ZNF85: variants seen among roughly 807,000 people sequenced by gnomAD.
The protein encoded by ZNF85 is zinc finger protein 85, also known as zinc finger protein 85 (HPF4, HTF1).
Under a neutral mutation model 53.9 loss-of-function variants are expected in ZNF85, and 50 were observed. That is an observed-to-expected ratio of 0.93 (90% CI 0.74 to 1.17). ZNF85 has a LOEUF of 1.17. Among genes scored for constraint, ZNF85 ranks in the 50% most tolerant of loss-of-function variants. ZNF85 has a pLI of 0.00. For missense variants in ZNF85, 747 were observed against 688.5 expected (o/e 1.08, Z -0.95); for synonymous variants, 225 against 226.1 (o/e 1.00, Z 0.04).
At chr19:20,934,234 G>C in intron 2 of ZNF85, 84 bp downstream of exon 2, 1 of 1,528,206 alleles carries the variant, frequency 6.5e-7, no homozygotes, top group Non-Finnish European at 8.8e-7. Flanking sequence ...CTGGTAAAGT[G>C]TGCTTTGCAT....
At chr19:20,944,834 C>T (rs983799510) in intron 3 of ZNF85, among the ~76,000 whole-genome samples, 3 of 151,980 alleles carry the variant, frequency 2.0e-5, no homozygotes, top group Non-Finnish European at 4.4e-5. Flanking sequence ...TTTAACTCTG[C>T]AATTTATGAC....
Position 20,949,839 on chromosome 19 carries a change from C to A in ZNF85, c.1325C>A (p.Thr442Asn), listed in dbSNP as rs145600588. The A allele has an allele frequency of 3.6e-5, 58 of 1,612,310 alleles. No homozygotes were observed. In the African/African-American group the frequency reaches 6.4e-4, roughly 18 times the overall value. ...EKAFNQSSKL[T>N]EHKKIHTGEK... ...GCTTTTAACCAATCCTCAAAACTTA[C>A]TGAACATAAGAAAATTCATACTGGA... The change falls in exon 4 of 4, where the codon ACT becomes AAT. Residue 442 changes from threonine to asparagine, a missense_variant. By Grantham distance (65) the Thr-to-Asn change is moderately conservative. Coordinates refer to ENST00000328178, the MANE Select transcript of ZNF85 (RefSeq NM_003429.5).
chr19:20,944,489 T>TA (rs1484269723), intron 3 of ZNF85, among the ~76,000 whole-genome samples: 1 of 147,694 alleles, frequency 6.8e-6, no homozygotes, highest in Non-Finnish European at 1.5e-5. Context: ...TTATTATATA[T>TA]TTTTATATAC....
chr19:20,923,486 T>G (rs1972805855), intron 1 of ZNF85, 83 bp downstream of exon 1: 2 of 1,602,980 alleles, frequency 1.2e-6, no homozygotes, highest in Admixed American at 1.7e-5. Flanking sequence ...GACTCAGGCC[T>G]CCCTGTAGTC....
chr19:20,946,846 T>A (rs1973434425), intron 3 of ZNF85, among the ~76,000 whole-genome samples: 2 of 152,142 alleles, frequency 1.3e-5, no homozygotes, highest in Admixed American at 6.5e-5. Flanking sequence ...AACTGACTCT[T>A]GTAGAAAGGC....
chr19:20,949,925 A>G lies in ZNF85; in HGVS notation c.1411A>G (p.Arg471Gly). Reference sequence around the variant, plus strand: ...TTTTAACCAGTCCTCAAATCTTACTAGACATAAGAAAAGTCATACAGAAGA... The same window carrying G: ...TTTTAACCAGTCCTCAAATCTTACTGGACATAAGAAAAGTCATACAGAAGA... The part of the protein sequence containing the change: ...KAFNQSSNLT[R>G]HKKSHTEEKP... The change falls in exon 4 of 4, where the codon AGA becomes GGA. Residue 471 changes from arginine (R) to glycine (G), a missense_variant. By Grantham distance (125) the Arg-to-Gly change is moderately radical. Transcript: ENST00000328178. 1.2e-6 allele frequency: 2 copies of G among 1,612,324 alleles called. No homozygotes were observed. The highest frequency in any genetic ancestry group is 1.1e-5 in the South Asian group (1 of 90,882).
intron 1 of ZNF85, among the ~76,000 whole-genome samples, chr19:20,929,363 A>G (rs1416913235): frequency 1.3e-5 from 2 of 151,794 alleles, no homozygotes; most frequent in African/African-American, 4.8e-5. Context: ...TAATTTTTGT[A>G]TTTTTAGTAG....
intron 1 of ZNF85, 151 bp downstream of exon 1, chr19:20,923,554 C>T: frequency 7.5e-7 from 1 of 1,331,158 alleles, no homozygotes; most frequent in Non-Finnish European, 1.0e-6. Flanking sequence ...TTCCTCCAGC[C>T]ATAAGATGGC....
chr19:20,941,272 T>TC (rs1252970527), intron 3 of ZNF85, among the ~76,000 whole-genome samples: 4 of 151,804 alleles, frequency 2.6e-5, no homozygotes, highest in Non-Finnish European at 5.9e-5. Flanking sequence ...CTTTCTTCCC[T>TC]CCCCCCACTC....
intron 1 of ZNF85, among the ~76,000 whole-genome samples, chr19:20,929,985 T>C (rs111429834): frequency 0.012 from 1,820 of 151,954 alleles, 34 homozygotes; most frequent in African/African-American, 0.035. Flanking sequence ...CCCTGGTATG[T>C]TGGCATGCAC....
In ZNF85 at chr19:20,944,393, G is replaced by T. The variant is rs201395739; in HGVS notation, c.230-4351G>T. 11 of 150,972 alleles carry T rather than the reference G, an allele frequency of 7.3e-5. No homozygotes were observed. The East Asian group carries it at 1.9e-3, about 27-fold the overall frequency. The allele number at this position is 150,972 out of a possible 1,614,324, so 9.4% of individuals were successfully genotyped here. Reference sequence around the variant, plus strand: ...GCAGTTTTTGTAGGACTGTGGTAGGGGTGATGAATACCCTCACCTTTTATT... The same window carrying T: ...GCAGTTTTTGTAGGACTGTGGTAGGTGTGATGAATACCCTCACCTTTTATT... On this transcript the variant is annotated intron_variant, in intron 3 of 3. Transcript: ENST00000328178.
chr19:20,935,683 T>C (rs1973141442), intron 3 of ZNF85, among the ~76,000 whole-genome samples: 1 of 151,712 alleles, frequency 6.6e-6, no homozygotes, highest in South Asian at 2.1e-4. Flanking sequence ...ATTTCGCTCT[T>C]GTTACCCAGG....
intron 1 of ZNF85, among the ~76,000 whole-genome samples, chr19:20,925,331 C>A (rs958014149): frequency 6.6e-6 from 1 of 151,890 alleles, no homozygotes; most frequent in Non-Finnish European, 1.5e-5. Context: ...GTGGCACACA[C>A]CTGTAATCCC....
rs2144611859 is a variant in ZNF85 at position 20,930,481 on chromosome 19, GAAAC to G, written c.4-3540_4-3537del. Among the ~76,000 whole-genome samples the G allele has an allele frequency of 1.3e-5, 2 of 152,164 alleles. 1 individual carries two copies. The highest frequency in any genetic ancestry group is 3.9e-4 in the East Asian group (2 of 5,186). On this transcript the variant is annotated intron_variant, in intron 1 of 3. Coordinates refer to ENST00000328178, the MANE Select transcript of ZNF85 (RefSeq NM_003429.5). ...GCAATTAAAAAAAATCAATGACAGA[GAAAC>G]AAGAAGAAATGGAAAGGCAGGGCTC...
chr19:20,933,454 C>T (rs1973076103), intron 1 of ZNF85, among the ~76,000 whole-genome samples: 1 of 151,520 alleles, frequency 6.6e-6, no homozygotes, highest in Admixed American at 6.6e-5. Flanking sequence ...AGGAAAAACA[C>T]AGGTTCTTCC....
At chr19:20,948,238 C>T (rs1016284169) in intron 3 of ZNF85, among the ~76,000 whole-genome samples, 6 of 152,030 alleles carry the variant, frequency 3.9e-5, no homozygotes, top group Non-Finnish European at 8.8e-5. Context: ...TATAATATTG[C>T]AGTCTCTTTG....
intron 1 of ZNF85, among the ~76,000 whole-genome samples, chr19:20,930,443 G>C (rs1196643954): frequency 2.0e-5 from 3 of 151,828 alleles, no homozygotes; most frequent in Admixed American, 2.0e-4. Flanking sequence ...TCTATATTTA[G>C]CTTTTCTTCT....
chr19:20,946,990 ATTC>A (rs1421978471), intron 3 of ZNF85, among the ~76,000 whole-genome samples: 11 of 151,228 alleles, frequency 7.3e-5, no homozygotes, highest in Admixed American at 1.3e-4. Context: ...GTTTTAGTTG[ATTC>A]TTGTTTCTTT....
chr19:20,944,417 T>C, intron 3 of ZNF85: 1 of 150,624 alleles, frequency 6.6e-6, no homozygotes, highest in East Asian at 1.9e-4. Context: ...TCACCTTTTA[T>C]TTTGAAAAGT....
Sources: allele counts gnomAD v4.1 joint callset (sites outside exome capture counted in the v4.1 genomes callset), GRCh38; gene constraint gnomAD v4.1.1; transcripts MANE v1.5; gene names NCBI Gene and HGNC (gene_info 2026-07-23, HGNC 2026-07-21).